Variants in AUH observed in about 807,000 individuals in gnomAD.
AUH encodes the protein methylglutaconyl-CoA hydratase, mitochondrial.
Under a neutral mutation model 42.3 loss-of-function variants are expected in AUH, and 29 were observed. The observed-to-expected ratio is 0.69, with a 90% confidence interval of 0.51 to 0.93. The LOEUF (loss-of-function observed/expected upper bound fraction) is 0.93. AUH is among the 40% of genes least tolerant of loss of function. The probability of loss-of-function intolerance (pLI) is 0.00; values close to 1 mark genes in which losing one functional copy is unlikely to be tolerated. For synonymous variants in AUH, 174 were observed against 166.4 expected, an observed-to-expected ratio of 1.05 and a Z score of -0.35; for missense variants, 452 against 438.1, an observed-to-expected ratio of 1.03 and a Z score of -0.28.
At chr9:91,342,069 G>A (rs1831148000) in intron 3 of AUH, among the ~76,000 whole-genome samples, 1 of 152,314 alleles carries the variant, frequency 6.6e-6, no homozygotes, top group South Asian at 2.1e-4. Flanking sequence ...TCAGTTTCCT[G>A]GTGCTGCTGG....
chr9:91,246,053 T>C (rs947961288), intron 6 of AUH, among the ~76,000 whole-genome samples: 11 of 152,100 alleles, frequency 7.2e-5, no homozygotes, highest in African/African-American at 2.2e-4. Context: ...ATGAGCAGAT[T>C]CGGTGGAGGC....
Position 91,361,872 on chromosome 9 carries a change from C to G in AUH, c.18G>C (p.Ala6=). The G allele has an allele frequency of 6.8e-7, 1 of 1,467,934 alleles. No homozygotes were observed. The highest frequency in any genetic ancestry group is 9.0e-7 in the Non-Finnish European group (1 of 1,116,056). The allele number at this position is 1,467,934 out of a possible 1,614,324, so 90.9% of individuals were successfully genotyped here. ...GGGATCCCAAGGCCCCAGGTGCCGC[C>G]GCCACCGCGGCCGCCATGTTGTCTG... MAAAV[A]AAPGALGSLH... The change falls in exon 1 of 10, where the codon GCG becomes GCC. Residue 6 remains alanine, a synonymous_variant. Coordinates refer to ENST00000375731, the MANE Select transcript of AUH (RefSeq NM_001698.3).
At chr9:91,228,247 T>A (rs1308655519) in intron 6 of AUH, among the ~76,000 whole-genome samples, 1 of 152,242 alleles carries the variant, frequency 6.6e-6, no homozygotes, top group Admixed American at 6.5e-5. Flanking sequence ...TATTGGTCTA[T>A]TCAGAGATTC....
At chr9:91,248,293 T>C (rs1828908845) in intron 6 of AUH, among the ~76,000 whole-genome samples, 1 of 152,254 alleles carries the variant, frequency 6.6e-6, no homozygotes, top group Non-Finnish European at 1.5e-5. Flanking sequence ...TGCATGAGGC[T>C]TTATTTTTCA....
At chr9:91,359,691 C>CA (rs1832703257) in intron 1 of AUH, among the ~76,000 whole-genome samples, 1 of 152,170 alleles carries the variant, frequency 6.6e-6, no homozygotes, top group Admixed American at 6.5e-5. Flanking sequence ...TACTTACCCC[C>CA]ACCCACCTAA....
chr9:91,338,783 GAACA>G (rs1363170443), intron 3 of AUH, among the ~76,000 whole-genome samples: 3 of 152,166 alleles, frequency 2.0e-5, no homozygotes, highest in East Asian at 3.8e-4. Context: ...GGAAATAGTT[GAACA>G]AATAGGTATA....
chr9:91,348,410 G>A (rs1167876656), intron 3 of AUH, among the ~76,000 whole-genome samples: 1 of 152,144 alleles, frequency 6.6e-6, no homozygotes, highest in African/African-American at 2.4e-5. Flanking sequence ...TTACCTGAGA[G>A]AAATAAAATT....
chr9:91,281,954 A>G (rs1446609502), intron 6 of AUH, among the ~76,000 whole-genome samples: 1 of 152,160 alleles, frequency 6.6e-6, no homozygotes, highest in East Asian at 1.9e-4. Flanking sequence ...ATCTAAGAGC[A>G]TGTCACAGCA....
intron 6 of AUH, among the ~76,000 whole-genome samples, chr9:91,293,691 G>A (rs1827093148): frequency 6.6e-6 from 1 of 152,252 alleles, no homozygotes; most frequent in African/African-American, 2.4e-5. Flanking sequence ...AGCAGCACGT[G>A]CTGATGTAGA....
At chr9:91,223,732 C>T (rs940024294) in intron 6 of AUH, among the ~76,000 whole-genome samples, 6 of 151,984 alleles carry the variant, frequency 3.9e-5, no homozygotes, top group South Asian at 4.1e-4. Context: ...CCAACACTTA[C>T]TATTTTTTTT....
chr9:91,277,279 T>A (rs1825622166), intron 6 of AUH, among the ~76,000 whole-genome samples: 1 of 152,154 alleles, frequency 6.6e-6, no homozygotes, highest in South Asian at 2.1e-4. Context: ...CAATTTAGCA[T>A]GAAAGAATAA....
intron 3 of AUH, among the ~76,000 whole-genome samples, chr9:91,327,367 T>C (rs578147787): frequency 7.1e-4 from 108 of 152,222 alleles, no homozygotes; most frequent in South Asian, 4.8e-3. Context: ...TATCCCCATA[T>C]TACCCTCACT....
chr9:91,284,772 A>G (rs926775861), intron 6 of AUH, among the ~76,000 whole-genome samples: 6 of 152,172 alleles, frequency 3.9e-5, no homozygotes, highest in African/African-American at 9.7e-5. Context: ...ACCATCTCAC[A>G]CCAGTTAACA....
chr9:91,325,138 TTAAA>T (rs1434616565), intron 4 of AUH, among the ~76,000 whole-genome samples, 176 bp downstream of exon 4: 19 of 152,128 alleles, frequency 1.2e-4, no homozygotes, highest in African/African-American at 4.6e-4. Flanking sequence ...TCTGTAATTA[TTAAA>T]TATTTTACAT....
intron 6 of AUH, among the ~76,000 whole-genome samples, chr9:91,232,104 A>T (rs981030245): frequency 6.6e-5 from 10 of 152,208 alleles, no homozygotes; most frequent in Non-Finnish European, 1.3e-4. Context: ...CACTATGGCC[A>T]GGCATGGTGG....
intron 4 of AUH, among the ~76,000 whole-genome samples, chr9:91,312,417 C>T (rs1396513199): frequency 6.6e-6 from 1 of 152,182 alleles, no homozygotes; most frequent in African/African-American, 2.4e-5. Flanking sequence ...TATGGTTCAA[C>T]AGCCAGCTCA....
chr9:91,354,522 C>CT (rs1564132443), intron 3 of AUH, among the ~76,000 whole-genome samples: 1 of 152,088 alleles, frequency 6.6e-6, no homozygotes. Flanking sequence ...AGCATTAAAG[C>CT]TTTTTTCAAA....
chr9:91,285,151 T>C (rs1435343711), intron 6 of AUH, among the ~76,000 whole-genome samples: 1 of 152,144 alleles, frequency 6.6e-6, no homozygotes, highest in Non-Finnish European at 1.5e-5. Flanking sequence ...TGAGTTCATG[T>C]CCTTTGTAGG....
At chr9:91,330,885 C>T (rs963807289) in intron 3 of AUH, among the ~76,000 whole-genome samples, 4 of 152,132 alleles carry the variant, frequency 2.6e-5, no homozygotes, top group African/African-American at 9.7e-5. Context: ...TTGCCTATGT[C>T]TTTTGGGTGG....
Sources: allele counts gnomAD v4.1 joint callset (sites outside exome capture counted in the v4.1 genomes callset), GRCh38; gene constraint gnomAD v4.1.1; transcripts MANE v1.5; gene names NCBI Gene and HGNC (gene_info 2026-07-23, HGNC 2026-07-21).